The following JAK1 variants were observed in gnomAD, a reference collection of about 807,000 sequenced individuals.
JAK1 encodes Janus kinase 1.
In JAK1, 16 loss-of-function variants were observed where a neutral mutation model predicts 136.6. The observed-to-expected ratio is 0.12, with a 90% CI of 0.08 to 0.18. The LOEUF (loss-of-function observed/expected upper bound fraction) is 0.18. JAK1 is among the 10% of genes least tolerant of loss of function. The probability of loss-of-function intolerance (pLI) is 1.00; values close to 1 mark genes in which losing one functional copy is unlikely to be tolerated. For synonymous variants in JAK1, 492 were observed against 519.5 expected, an observed-to-expected ratio of 0.95 and a Z score of 0.72; for missense variants, 859 against 1,450.1, an observed-to-expected ratio of 0.59 and a Z score of 6.62.
At chr1:64,995,346 G>T (rs1409057765) in intron 2 of JAK1, among the ~76,000 whole-genome samples, 2 of 152,072 alleles carry the variant, frequency 1.3e-5, no homozygotes, top group African/African-American at 4.8e-5. Flanking sequence ...CTTGCTTAAT[G>T]TCATCAGTTT....
At chr1:64,856,712 G>A (rs931427233) in intron 10 of JAK1, among the ~76,000 whole-genome samples, 4 of 152,168 alleles carry the variant, frequency 2.6e-5, no homozygotes, top group East Asian at 1.9e-4. Flanking sequence ...ACGGAGCCCC[G>A]AGGCCCAGCT....
intron 20 of JAK1, 197 bp downstream of exon 20, chr1:64,839,406 C>A: frequency 2.3e-6 from 1 of 436,020 alleles, no homozygotes; most frequent in Non-Finnish European, 4.0e-6. Context: ...ATGGAGGGGC[C>A]TGGGTGGCCT....
intron 1 of JAK1, among the ~76,000 whole-genome samples, chr1:65,053,502 CGT>C (rs1491475101): frequency 3.9e-5 from 6 of 152,090 alleles, no homozygotes; most frequent in Non-Finnish European, 7.4e-5. Flanking sequence ...AGTGTAAAAA[CGT>C]AAGAGGTTTG....
In JAK1 at chr1:64,844,229, G is replaced by C; in HGVS notation, c.2252-14C>G. On this transcript the variant is annotated splice_polypyrimidine_tract_variant and intron_variant, in intron 16 of 24. Coordinates refer to ENST00000342505, the MANE Select transcript of JAK1 (RefSeq NM_002227.4). This position sits in a 1 kb window ranked among gnomAD's most constrained non-coding sequence, Gnocchi z 5.7. ...GTTCAATGCATTCTGGAAGACAACA[G>C]ACACACTGATGGAGCAGTTTCTGGG... 6.2e-7 allele frequency: 1 copy of C among 1,614,198 alleles called. No homozygotes were observed. The highest frequency in any genetic ancestry group is 8.5e-7 in the Non-Finnish European group (1 of 1,179,994).
intron 2 of JAK1, among the ~76,000 whole-genome samples, chr1:64,994,043 T>C (rs902070425): frequency 6.6e-6 from 1 of 152,166 alleles, no homozygotes; most frequent in Non-Finnish European, 1.5e-5. Flanking sequence ...TAGGCTCAGG[T>C]GATCCTCCCA....
rs186743529 is a variant in JAK1 at position 65,047,185 on chromosome 1, A to T, written c.-180-2603T>A. On this transcript the variant is annotated intron_variant, in intron 1 of 25. Transcript: ENST00000671954. Reference sequence around the variant, plus strand: ...CCTGGGTAAAACCCTGTCTCCAAAAAATTTTTTTTGTTTCATTCTAACCAT... The same window carrying T: ...CCTGGGTAAAACCCTGTCTCCAAAATATTTTTTTTGTTTCATTCTAACCAT... Among the ~76,000 whole-genome samples the T allele has an allele frequency of 8.0e-3, 1,214 of 152,084 alleles. 13 individuals carry two copies. Among genetic ancestry groups the T allele is most frequent in the African/African-American group, 0.028 (1,147 of 41,490 alleles).
intron 1 of JAK1, among the ~76,000 whole-genome samples, chr1:64,951,651 T>A (rs1003730778): frequency 0.033 from 249 of 7,440 alleles, 2 homozygotes; most frequent in African/African-American, 0.046. Flanking sequence ...AGTTCTGCCT[T>A]TTTTTTTTTT....
At chr1:64,856,461 T>C (rs1026886204) in intron 10 of JAK1, among the ~76,000 whole-genome samples, 5 of 152,038 alleles carry the variant, frequency 3.3e-5, no homozygotes, top group Admixed American at 2.6e-4. Context: ...TGGCACAGGG[T>C]CTGGTGGGCC....
Position 64,984,013 on chromosome 1 carries a change from G to T in JAK1, c.-78+60467C>A, listed in dbSNP as rs144135552. Among the ~76,000 whole-genome samples the T allele has an allele frequency of 6.6e-6, 1 of 151,930 alleles. No homozygotes were observed. The highest frequency in any genetic ancestry group is 2.4e-5 in the African/African-American group (1 of 41,322). On this transcript the variant is annotated intron_variant, in intron 2 of 25. Coordinates refer to the JAK1 transcript ENST00000671954. The surrounding 1 kb of genome is among the most constrained non-coding windows in gnomAD (Gnocchi z 4.1). ...AAATTCTCCTTATTGCACCTTAACC[G>T]CTCCAGCATCAAATCTTCTACTCTA...
upstream of JAK1, among the ~76,000 whole-genome samples, chr1:64,966,690 G>T (rs1460921125): frequency 6.7e-6 from 1 of 148,846 alleles, no homozygotes; most frequent in African/African-American, 2.5e-5. Context: ...CTGCGCCTCC[G>T]GCCTACCCGC....
chr1:64,913,671 G>GGAAA (rs775690589), intron 1 of JAK1, among the ~76,000 whole-genome samples: 7,834 of 37,234 alleles, frequency 0.21, 582 homozygotes, highest in Non-Finnish European at 0.3. Flanking sequence ...AAGGAAGGAA[G>GGAAA]GAAGGAAGGA....
intron 2 of JAK1, among the ~76,000 whole-genome samples, chr1:64,978,863 A>C (rs1646519497): frequency 6.6e-6 from 1 of 152,106 alleles, no homozygotes; most frequent in Non-Finnish European, 1.5e-5. Context: ...ATTAAAAAAA[A>C]AAAAAAACTT....
rs1557647814 is a variant in JAK1, at chr1:64,866,956, A to G, written c.900T>C (p.Asn300=). 1.2e-6 allele frequency: 2 copies of G among 1,614,200 alleles called. No individual in the cohort carries two copies. The highest frequency in any genetic ancestry group is 3.3e-4 in the Middle Eastern group (2 of 6,062). The change falls in exon 7 of 25, where the codon AAT becomes AAC. Residue 300 remains asparagine, a synonymous_variant. Coordinates refer to ENST00000342505, the MANE Select transcript of JAK1 (RefSeq NM_002227.4). ...TTCCACCGTCATTCGAATGAAACCAATTCATCTCATTTTCTGATGAAATCA... is the reference window on the plus strand; with the variant it reads ...TTCCACCGTCATTCGAATGAAACCAGTTCATCTCATTTTCTGATGAAATCA... ...MLLISSENEM[N]WFHSNDGGNV... is the part of the protein sequence containing the mutation.
At chr1:64,906,621 C>T (rs1352348782) in intron 1 of JAK1, among the ~76,000 whole-genome samples, 1 of 152,226 alleles carries the variant, frequency 6.6e-6, no homozygotes, top group Non-Finnish European at 1.5e-5. Context: ...CTACGCCATT[C>T]TCAGTCACTA....
chr1:64,938,786 T>C (rs555002761), intron 1 of JAK1, among the ~76,000 whole-genome samples: 3 of 152,348 alleles, frequency 2.0e-5, no homozygotes, highest in South Asian at 2.1e-4. Flanking sequence ...TAATATTTTA[T>C]GTCTACATAA....
chr1:64,934,800 A>G (rs1645759577), intron 1 of JAK1, among the ~76,000 whole-genome samples: 1 of 152,174 alleles, frequency 6.6e-6, no homozygotes, highest in Non-Finnish European at 1.5e-5. Flanking sequence ...ATTGTATTGT[A>G]AATGTCACCC....
chr1:64,997,193 A>T (rs1365284623), intron 2 of JAK1, among the ~76,000 whole-genome samples: 1 of 152,216 alleles, frequency 6.6e-6, no homozygotes, highest in Admixed American at 6.5e-5. Flanking sequence ...TCTACGGATA[A>T]AATCCAAGGA....
At chr1:65,021,507 C>T (rs1053774461) in intron 2 of JAK1, among the ~76,000 whole-genome samples, 1 of 152,130 alleles carries the variant, frequency 6.6e-6, no homozygotes, top group African/African-American at 2.4e-5. Flanking sequence ...TTTGGAGAGA[C>T]CCAAACTTCG....
chr1:64,856,096 T>C (rs539103466), intron 10 of JAK1, among the ~76,000 whole-genome samples: 3 of 152,292 alleles, frequency 2.0e-5, no homozygotes, highest in South Asian at 2.1e-4. Flanking sequence ...AGATATTATA[T>C]ATGAGGTAAT....
Sources: allele counts gnomAD v4.1 joint callset (sites outside exome capture counted in the v4.1 genomes callset), GRCh38; gene constraint gnomAD v4.1.1; non-coding constraint Gnocchi (gnomAD v3.1); transcripts MANE v1.5; gene names NCBI Gene and HGNC (gene_info 2026-07-23, HGNC 2026-07-21).